The following ZFHX3 variants were observed in gnomAD, a reference collection of about 807,000 sequenced individuals.
ZFHX3 encodes the protein zinc finger homeobox 3, also known as zinc finger homeobox protein 3.
A neutral mutation model predicts 279.1 loss-of-function variants in ZFHX3; 42 were observed. The ratio of observed to expected loss-of-function variants is 0.15; its 90% CI spans 0.12 to 0.19. ZFHX3 has a LOEUF of 0.19. Ranked by LOEUF, ZFHX3 falls within the 10% of genes least tolerant of loss-of-function variation. The probability of loss-of-function intolerance (pLI) is 1.00; values close to 1 mark genes in which losing one functional copy is unlikely to be tolerated. For synonymous variants in ZFHX3, 2,293 were observed against 1,957.8 expected (o/e 1.17, Z -4.52); for missense variants, 4,981 against 4,754.0 (o/e 1.05, Z -1.40).
intron 4 of ZFHX3, among the ~76,000 whole-genome samples, chr16:73,263,336 A>C: frequency 6.6e-6 from 1 of 152,116 alleles, no homozygotes. Flanking sequence ...AAATGCCACT[A>C]AACTTGGCTA....
intron 1 of ZFHX3, among the ~76,000 whole-genome samples, chr16:72,981,411 T>C (rs1225931264): frequency 6.6e-6 from 1 of 152,220 alleles, no homozygotes; most frequent in East Asian, 1.9e-4. Context: ...AAGAAGAATA[T>C]ACATCCGTTG....
chr16:73,557,952 G>A (rs2020311885), intron 2 of ZFHX3, among the ~76,000 whole-genome samples: 1 of 152,154 alleles, frequency 6.6e-6, no homozygotes, highest in Admixed American at 6.5e-5. Flanking sequence ...CCTCTCTGTG[G>A]AAGCACGACA....
At chr16:73,282,456 A>G (rs765417464) in intron 4 of ZFHX3, among the ~76,000 whole-genome samples, 1 of 152,152 alleles carries the variant, frequency 6.6e-6, no homozygotes, top group Non-Finnish European at 1.5e-5. Flanking sequence ...TGGCTATTCT[A>G]TCTTTGATGG....
intron 5 of ZFHX3, among the ~76,000 whole-genome samples, chr16:73,223,895 T>C (rs527741804): frequency 6.6e-6 from 1 of 152,286 alleles, no homozygotes; most frequent in African/African-American, 2.4e-5. Flanking sequence ...TCAACATAAA[T>C]GTATATTACT....
chr16:73,582,934 G>A (rs903536792), intron 2 of ZFHX3, among the ~76,000 whole-genome samples: 1 of 152,154 alleles, frequency 6.6e-6, no homozygotes, highest in African/African-American at 2.4e-5. Flanking sequence ...TGAAGCTCTG[G>A]TCATTGTTGT....
At chr16:73,642,405 A>G (rs747407029) in intron 2 of ZFHX3, among the ~76,000 whole-genome samples, 4 of 152,086 alleles carry the variant, frequency 2.6e-5, no homozygotes, top group Non-Finnish European at 5.9e-5. Context: ...CTTCTGTCAT[A>G]TTGACATGCT....
At chr16:73,357,150 G>A (rs1166185162) in intron 3 of ZFHX3, among the ~76,000 whole-genome samples, 3 of 151,482 alleles carry the variant, frequency 2.0e-5, no homozygotes, top group Non-Finnish European at 4.4e-5. Flanking sequence ...TCAAATTTTT[G>A]TCTCTGGTTC....
rs544909535 is a variant in ZFHX3 at position 73,674,722 on chromosome 16, T to A, written c.-1547+5458A>T. ...TCTAAGCCAAGTGACTAAATCAGTC[T>A]CGAAAAGTGCTTATATGTTGACATT... is the stretch of plus-strand genomic sequence containing the variant. On this transcript the variant is annotated intron_variant, in intron 2 of 17. Coordinates refer to the ZFHX3 transcript ENST00000641206. Among the ~76,000 whole-genome samples, 50 of 152,334 alleles carry A rather than the reference T, an allele frequency of 3.3e-4. 1 individual carries two copies. The South Asian group carries it at 7.7e-3, about 23-fold the overall frequency.
rs567424990 is a variant in ZFHX3 at position 73,221,634 on chromosome 16, T to C, written c.-1104+35413A>G. ...AAAAAATGTATGGGAACTCCCATCTTCTCTGAATTGTATGTAAAATTGTGT... is the reference window on the plus strand; with the variant it reads ...AAAAAATGTATGGGAACTCCCATCTCCTCTGAATTGTATGTAAAATTGTGT... On this transcript the variant is annotated intron_variant, in intron 5 of 17. Transcript: ENST00000641206. 6.6e-4 allele frequency among the ~76,000 whole-genome samples: 100 copies of C among 152,294 alleles called. 1 individual carries two copies. Among genetic ancestry groups the C allele is most frequent in the African/African-American group, 1.6e-3 (67 of 41,580 alleles).
chr16:73,693,122 CAAG>C (rs2053164749), intron 1 of ZFHX3, among the ~76,000 whole-genome samples: 1 of 152,268 alleles, frequency 6.6e-6, no homozygotes, highest in Non-Finnish European at 1.5e-5. Flanking sequence ...TCAGGAAAAA[CAAG>C]AAGGACTTAT....
intron 3 of ZFHX3, among the ~76,000 whole-genome samples, chr16:72,920,493 A>T (rs984761158): frequency 6.6e-6 from 1 of 151,780 alleles, no homozygotes; most frequent in South Asian, 2.1e-4. Context: ...CAGCCTGGCC[A>T]ACATGGCGAA....
intron 3 of ZFHX3, among the ~76,000 whole-genome samples, chr16:73,424,656 A>G (rs1171458217): frequency 6.9e-5 from 10 of 145,600 alleles, no homozygotes. Context: ...TGGGAGGCTG[A>G]GATGGGAGGA....
At chr16:73,153,260 T>A (rs988018103) in intron 5 of ZFHX3, among the ~76,000 whole-genome samples, 1 of 152,190 alleles carries the variant, frequency 6.6e-6, no homozygotes, top group East Asian at 1.9e-4. Context: ...TAATTGCACC[T>A]TGGGATGAAT....
intron 7 of ZFHX3, chr16:72,807,832 C>T (rs970847931): frequency 6.6e-6 from 1 of 152,184 alleles, no homozygotes; most frequent in African/African-American, 2.4e-5. Context: ...TGGCAACTAA[C>T]TCAGTCAACC....
chr16:72,816,707 A>C (rs1597269921), intron 5 of ZFHX3, among the ~76,000 whole-genome samples: 1 of 152,202 alleles, frequency 6.6e-6, no homozygotes, highest in East Asian at 1.9e-4. Context: ...TGAGTTGGCC[A>C]ACTAAAACTC....
At chr16:73,802,166 T>G (rs975741850) in intron 1 of ZFHX3, among the ~76,000 whole-genome samples, 1 of 152,180 alleles carries the variant, frequency 6.6e-6, no homozygotes, top group African/African-American at 2.4e-5. Context: ...GTGTGACTTT[T>G]TTTTTTAAAT....
At chr16:73,687,382 CAA>C (rs759576667) in intron 1 of ZFHX3, among the ~76,000 whole-genome samples, 9 of 130,446 alleles carry the variant, frequency 6.9e-5, no homozygotes, top group Admixed American at 3.1e-4. Flanking sequence ...GACCCTGTCT[CAA>C]AAAAAAAAAA....
intron 4 of ZFHX3, among the ~76,000 whole-genome samples, chr16:73,269,891 G>A (rs2014093096): frequency 6.6e-6 from 1 of 151,998 alleles, no homozygotes; most frequent in Non-Finnish European, 1.5e-5. Context: ...TGGAATAAGA[G>A]GTGTGCGCCA....
chr16:73,585,846 G>A (rs1404483642), intron 2 of ZFHX3, among the ~76,000 whole-genome samples: 1 of 151,824 alleles, frequency 6.6e-6, no homozygotes, highest in African/African-American at 2.4e-5. Context: ...GATTAATTTT[G>A]GAATTTGATT....
Sources: gnomAD v4.1 joint callset for allele counts (sites outside exome capture counted in the v4.1 genomes callset) on GRCh38, gnomAD v4.1.1 for gene constraint, MANE v1.5 for transcripts, NCBI Gene and HGNC (gene_info 2026-07-23, HGNC 2026-07-21) for gene names.